Variants in GPATCH2 observed in about 807,000 individuals in gnomAD.
The protein encoded by GPATCH2 is G patch domain-containing protein 2.
A neutral mutation model predicts 58.0 loss-of-function variants in GPATCH2; 51 were observed. That is an observed-to-expected ratio of 0.88 (90% CI 0.70 to 1.11). The LOEUF is 1.11. Ranked by LOEUF, GPATCH2 falls within the 50% of genes most tolerant of loss-of-function variation. GPATCH2 has a pLI of 0.00. For missense variants in GPATCH2, 625 were observed against 652.2 expected (o/e 0.96, Z 0.45); for synonymous variants, 222 against 218.5 (o/e 1.02, Z -0.14).
At chr1:217,483,655 T>C (rs1661318878) in intron 8 of GPATCH2, among the ~76,000 whole-genome samples, 1 of 152,220 alleles carries the variant, frequency 6.6e-6, no homozygotes, top group South Asian at 2.1e-4. Flanking sequence ...AGTACATTCA[T>C]TTTGTTATTT....
intron 5 of GPATCH2, among the ~76,000 whole-genome samples, chr1:217,528,848 T>A (rs758533171): frequency 6.6e-6 from 1 of 152,140 alleles, no homozygotes; most frequent in Non-Finnish European, 1.5e-5. Context: ...GGGTGAGGAC[T>A]GTCTTGGGAT....
At chr1:217,446,903 G>A (rs903332180) in intron 9 of GPATCH2, among the ~76,000 whole-genome samples, 11 of 152,188 alleles carry the variant, frequency 7.2e-5, no homozygotes, top group African/African-American at 2.7e-4. Flanking sequence ...CAACCATTAT[G>A]CATTTTCCTT....
chr1:217,583,293 C>T (rs1328976288), intron 5 of GPATCH2, among the ~76,000 whole-genome samples: 7 of 151,966 alleles, frequency 4.6e-5, no homozygotes, highest in East Asian at 1.9e-4. Context: ...AAGACTGAGT[C>T]GGGCGGGGTG....
chr1:217,631,041 G>C lies in GPATCH2; in HGVS notation c.-70C>G. On this transcript the variant is annotated 5_prime_UTR_variant, in exon 1 of 10. Coordinates refer to ENST00000366935, the MANE Select transcript of GPATCH2 (RefSeq NM_018040.5). ...AGACTCCAACTACAACAGCACCGGC[G>C]ACTTCCAAAGAGCAGTTCAGCATTT... 7.2e-7 allele frequency: 1 copy of C among 1,396,846 alleles called. No homozygotes were observed. 86.5% of individuals were successfully genotyped at this position (1,396,846 alleles called of 1,614,324 possible).
chr1:217,499,406 G>A (rs1028757068), intron 6 of GPATCH2, among the ~76,000 whole-genome samples: 4 of 152,138 alleles, frequency 2.6e-5, no homozygotes, highest in South Asian at 2.1e-4. Flanking sequence ...ACCACACCAC[G>A]CTGCAGAAGG....
intron 8 of GPATCH2, among the ~76,000 whole-genome samples, chr1:217,490,643 A>C (rs1661679930): frequency 6.6e-6 from 1 of 152,052 alleles, no homozygotes; most frequent in South Asian, 2.1e-4. Flanking sequence ...TCATTTCTAA[A>C]AATTATATAC....
Position 217,619,953 on chromosome 1 carries a change from A to G in GPATCH2, c.603T>C (p.Tyr201=). The G allele has an allele frequency of 6.2e-7, 1 of 1,613,830 alleles. No individual in the cohort carries two copies. The highest frequency in any genetic ancestry group is 8.5e-7 in the Non-Finnish European group (1 of 1,179,940). The change falls in exon 2 of 10, where the codon TAT becomes TAC. Residue 201 remains tyrosine, a synonymous_variant. Transcript: ENST00000366935. ...TGACTTTGTTCTTGGTAAATTCTTG[A>G]TACTGGTAGGCTCTATCACTGTCCA... ...QDMDSDRAYQ[Y]QEFTKNKVKK...
At chr1:217,538,647 T>A (rs917369359) in intron 5 of GPATCH2, among the ~76,000 whole-genome samples, 5 of 152,152 alleles carry the variant, frequency 3.3e-5, no homozygotes, top group African/African-American at 4.8e-5. Flanking sequence ...GCCTCTCCAT[T>A]CTGACTGTGG....
At chr1:217,576,238 T>C (rs1187282140) in intron 5 of GPATCH2, among the ~76,000 whole-genome samples, 1 of 152,158 alleles carries the variant, frequency 6.6e-6, no homozygotes, top group East Asian at 1.9e-4. Flanking sequence ...TCACATGTAA[T>C]GAATTAAATT....
intron 6 of GPATCH2, among the ~76,000 whole-genome samples, chr1:217,506,377 G>A (rs938307859): frequency 6.6e-6 from 1 of 152,114 alleles, no homozygotes; most frequent in Non-Finnish European, 1.5e-5. Flanking sequence ...GAGGGAGGGG[G>A]ACAAAGAAGT....
At chr1:217,463,641 C>CAAAAAAAAAAAAAAAAAAAA (rs201402598) in intron 8 of GPATCH2, among the ~76,000 whole-genome samples, 2 of 82,474 alleles carry the variant, frequency 2.4e-5, no homozygotes, top group African/African-American at 6.7e-5. Flanking sequence ...CTTATCACTC[C>CAAAAAAAAAAAAAAAAAAAA]AAAAAAAAAA....
intron 5 of GPATCH2, among the ~76,000 whole-genome samples, chr1:217,583,398 C>T (rs552123915): frequency 3.4e-4 from 52 of 151,538 alleles, no homozygotes; most frequent in African/African-American, 1.2e-3. Context: ...GGTGAAACCC[C>T]GTCTCTACTA....
chr1:217,539,797 A>G (rs1023681695), intron 5 of GPATCH2, among the ~76,000 whole-genome samples: 4 of 152,188 alleles, frequency 2.6e-5, no homozygotes, highest in African/African-American at 9.7e-5. Flanking sequence ...CGTAATGGCT[A>G]TGGTGAGGGC....
chr1:217,614,971 C>T (rs1668817032), intron 2 of GPATCH2, among the ~76,000 whole-genome samples: 1 of 151,798 alleles, frequency 6.6e-6, no homozygotes, highest in African/African-American at 2.4e-5. Context: ...AGAACAAAGT[C>T]ATATAATATA....
chr1:217,480,472 T>C (rs1427485870), intron 8 of GPATCH2, among the ~76,000 whole-genome samples: 1 of 152,132 alleles, frequency 6.6e-6, no homozygotes, highest in Non-Finnish European at 1.5e-5. Flanking sequence ...AAATGGCTTA[T>C]ATCCAAATGA....
Position 217,600,282 on chromosome 1 carries a change from T to C in GPATCH2, c.1098+10039A>G, listed in dbSNP as rs74142496. 9.6e-3 allele frequency among the ~76,000 whole-genome samples: 1,461 copies of C among 152,262 alleles called. 21 individuals carry two copies. The highest frequency in any genetic ancestry group is 0.034 in the African/African-American group (1,401 of 41,562). On this transcript the variant is annotated intron_variant, in intron 5 of 9. Transcript: ENST00000366935. ...GGCTTAAAACATACATAAGTACCTGTTGGCATCTCTGGTTTATCAGAATCC... is the reference window on the plus strand; with the variant it reads ...GGCTTAAAACATACATAAGTACCTGCTGGCATCTCTGGTTTATCAGAATCC...
At chr1:217,604,177 T>C (rs1306828534) in intron 5 of GPATCH2, among the ~76,000 whole-genome samples, 2 of 151,324 alleles carry the variant, frequency 1.3e-5, no homozygotes, top group African/African-American at 4.9e-5. Context: ...ATGGTGAAAC[T>C]CCATCTCTAT....
chr1:217,558,106 C>T (rs1436282336), intron 5 of GPATCH2, among the ~76,000 whole-genome samples: 1 of 152,006 alleles, frequency 6.6e-6, no homozygotes, highest in Non-Finnish European at 1.5e-5. Flanking sequence ...TGTAGAAAAA[C>T]CACATGTTTT....
chr1:217,545,975 T>C lies in GPATCH2; in HGVS notation c.1099-31086A>G, dbSNP rs181066105. On this transcript the variant is annotated intron_variant, in intron 5 of 9. Transcript: ENST00000366935. Reference sequence around the variant, plus strand: ...CAATGGGTAGGATGAACTGTGGGTTTGAATATCTGCCAACTACTATGTTCT... The same window carrying C: ...CAATGGGTAGGATGAACTGTGGGTTCGAATATCTGCCAACTACTATGTTCT... Among the ~76,000 whole-genome samples the C allele has an allele frequency of 8.5e-4, 129 of 152,340 alleles. 1 individual carries two copies. Among genetic ancestry groups the C allele is most frequent in the African/African-American group, 2.9e-3 (121 of 41,568 alleles).
Sources: gnomAD v4.1 joint callset for allele counts (sites outside exome capture counted in the v4.1 genomes callset) on GRCh38, gnomAD v4.1.1 for gene constraint, MANE v1.5 for transcripts, NCBI Gene and HGNC (gene_info 2026-07-23, HGNC 2026-07-21) for gene names.